The following DARS1 variants were observed in gnomAD, a reference collection of about 807,000 sequenced individuals.
DARS1 encodes the protein aspartate--tRNA ligase, cytoplasmic.
In DARS1, 51 loss-of-function variants were observed where a neutral mutation model predicts 68.8. That is an observed-to-expected ratio of 0.74 (90% confidence interval 0.59 to 0.94). DARS1 has a LOEUF of 0.94. Ranked by LOEUF, DARS1 falls within the 40% of genes least tolerant of loss-of-function variation. The pLI, the probability that DARS1 is intolerant of heterozygous loss-of-function variation, is 0.00. For synonymous variants in DARS1, 203 were observed against 190.4 expected, an observed-to-expected ratio of 1.07 and a Z score of -0.55; for missense variants, 607 against 597.3, an observed-to-expected ratio of 1.02 and a Z score of -0.17.
intron 15 of DARS1, chr2:135,910,832 T>TAGC (rs2104792166): frequency 4.1e-6 from 1 of 243,424 alleles, no homozygotes; most frequent in African/African-American, 2.3e-5. Flanking sequence ...TAAAAACACT[T>TAGC]AGCAGCTCTT....
At chr2:135,979,865 T>C (rs1254209727) in intron 2 of DARS1, among the ~76,000 whole-genome samples, 1 of 152,202 alleles carries the variant, frequency 6.6e-6, no homozygotes, top group Non-Finnish European at 1.5e-5. Context: ...TTCCCCAGGA[T>C]GCAGTGACTC....
intron 4 of DARS1, among the ~76,000 whole-genome samples, chr2:135,951,882 A>G (rs551569249): frequency 3.9e-5 from 6 of 152,276 alleles, no homozygotes; most frequent in African/African-American, 1.4e-4. Flanking sequence ...GTAAAATGCT[A>G]TATTTATTGT....
rs535335466 is a variant in DARS1, at chr2:135,946,816, G to C, written c.321-3336C>G. On this transcript the variant is annotated intron_variant, in intron 4 of 15. Coordinates refer to ENST00000264161, the MANE Select transcript of DARS1 (RefSeq NM_001349.4). Reference sequence around the variant, plus strand: ...CAGTATCAGGTTTTGACTCTGACGAGTCCTCCTGAGCATATAGAGAAGAAT... The same window carrying C: ...CAGTATCAGGTTTTGACTCTGACGACTCCTCCTGAGCATATAGAGAAGAAT... Among the ~76,000 whole-genome samples, 4 of 152,210 alleles carry C rather than the reference G, an allele frequency of 2.6e-5. No homozygotes were observed. In the East Asian group the frequency reaches 5.8e-4, roughly 22 times the overall value.
At chr2:135,912,447 T>A (rs1193824299) in intron 13 of DARS1, 39 bp downstream of exon 13, 3 of 753,452 alleles carry the variant, frequency 4.0e-6, no homozygotes, top group Non-Finnish European at 7.0e-6. Flanking sequence ...AAATTTCCCT[T>A]CTGCCTCAAA....
chr2:135,962,723 A>G (rs1682127307), intron 3 of DARS1, among the ~76,000 whole-genome samples: 1 of 152,240 alleles, frequency 6.6e-6, no homozygotes, highest in African/African-American at 2.4e-5. Context: ...CCAGTCACAA[A>G]GTAAAATCCT....
At chr2:135,937,292 T>C (rs1681491726) in intron 5 of DARS1, among the ~76,000 whole-genome samples, 1 of 152,142 alleles carries the variant, frequency 6.6e-6, no homozygotes, top group African/African-American at 2.4e-5. Context: ...TTTCGCCATG[T>C]TGATCAGGCT....
At chr2:135,907,469 A>C in intron 15 of DARS1, 62 bp from the exon 16 acceptor site, 1 of 1,069,006 alleles carries the variant, frequency 9.4e-7, no homozygotes, top group Non-Finnish European at 1.4e-6. Context: ...CTTACTTAGA[A>C]CTACAAACAT....
chr2:135,907,242 CTTTTT>C lies in DARS1; in HGVS notation c.*69_*73del, dbSNP rs992435404. The C allele has an allele frequency of 5.0e-3, 2,234 of 450,300 alleles. No individual in the cohort carries two copies. Among genetic ancestry groups the C allele is most frequent in the East Asian group, 7.5e-3 (150 of 19,946 alleles). 27.9% of individuals were successfully genotyped at this position (450,300 alleles called of 1,614,324 possible). ...TACTGAAAAGAATAAGTGTGGCTTT[CTTTTT>C]TTTTTTTTTTTTTTGAGGCAGGGTC... On this transcript the variant is annotated 3_prime_UTR_variant, in exon 16 of 16. Coordinates refer to ENST00000264161, the MANE Select transcript of DARS1 (RefSeq NM_001349.4).
At chr2:135,953,133 T>C (rs978812553) in intron 4 of DARS1, among the ~76,000 whole-genome samples, 5 of 152,272 alleles carry the variant, frequency 3.3e-5, no homozygotes, top group South Asian at 2.1e-4. Context: ...GTATGTCACA[T>C]AGCAGAACTG....
At chr2:135,980,528 T>C (rs1189390529) in intron 2 of DARS1, 3 of 152,202 alleles carry the variant, frequency 2.0e-5, no homozygotes, top group East Asian at 1.9e-4. Flanking sequence ...ACGGTTCTCA[T>C]AGCCAAAAGC....
chr2:135,934,762 T>C (rs1162259713), intron 5 of DARS1, among the ~76,000 whole-genome samples: 20 of 151,970 alleles, frequency 1.3e-4, no homozygotes, highest in Non-Finnish European at 2.9e-4. Context: ...ACTTTACTCA[T>C]GTGAAGGAGC....
chr2:135,960,877 A>C (rs1002515151), intron 4 of DARS1, among the ~76,000 whole-genome samples: 2 of 152,224 alleles, frequency 1.3e-5, no homozygotes, highest in African/African-American at 4.8e-5. Context: ...AGGAGGAAAA[A>C]GCAAGTTTTA....
rs771004104 is a variant in DARS1 at position 135,920,580 on chromosome 2, T to A, written c.832A>T (p.Asn278Tyr). Residue 278 changes from asparagine to tyrosine, a missense_variant, in exon 10 of 16, where the codon AAT (asparagine) becomes TAT (tyrosine). Transcript: ENST00000264161. ...AACTCAGTTAGATGTCTATGGGTAT[T>A]AGAGTCTTCCGCTCTGAATACTGTG... ...IGPVFRAEDSNTHRHLTEFVG... is the reference protein window; with the variant it reads ...IGPVFRAEDSYTHRHLTEFVG... The A allele has an allele frequency of 3.7e-6, 6 of 1,610,856 alleles. No individual in the cohort carries two copies. The highest frequency in any genetic ancestry group is 5.1e-6 in the Non-Finnish European group (6 of 1,179,102).
intron 4 of DARS1, among the ~76,000 whole-genome samples, chr2:135,957,003 G>A (rs958323672): frequency 3.9e-5 from 6 of 151,982 alleles, no homozygotes; most frequent in African/African-American, 1.4e-4. Context: ...GACCTCAGAT[G>A]ATACACCCAC....
chr2:135,977,083 A>G (rs900585850), intron 3 of DARS1, among the ~76,000 whole-genome samples: 13 of 152,244 alleles, frequency 8.5e-5, no homozygotes, highest in Non-Finnish European at 1.5e-4. Flanking sequence ...AACAGGAAAT[A>G]AGACCCACAA....
intron 9 of DARS1, among the ~76,000 whole-genome samples, chr2:135,921,596 T>C (rs1365067523): frequency 6.6e-6 from 1 of 152,226 alleles, no homozygotes; most frequent in African/African-American, 2.4e-5. Context: ...GTGAAAATTA[T>C]TTGATTATTC....
At chr2:135,932,328 C>T (rs189905811) in intron 7 of DARS1, among the ~76,000 whole-genome samples, 152 of 152,300 alleles carry the variant, frequency 1.0e-3, no homozygotes, top group African/African-American at 1.9e-3. Context: ...ACTGCATAAA[C>T]CACCAGAGCC....
intron 3 of DARS1, among the ~76,000 whole-genome samples, chr2:135,978,142 C>CAAAAAAAAAAAA (rs59505882): frequency 1.1e-4 from 6 of 54,732 alleles, no homozygotes; most frequent in Admixed American, 2.4e-4. Flanking sequence ...GACTCTGTCT[C>CAAAAAAAAAAAA]AAAAAAAAAA....
At chr2:135,937,198 C>T (rs1416827072) in intron 5 of DARS1, among the ~76,000 whole-genome samples, 1 of 152,108 alleles carries the variant, frequency 6.6e-6, no homozygotes, top group African/African-American at 2.4e-5. Flanking sequence ...AAGCAATTCT[C>T]TTGCCTCAGC....
Sources: gnomAD v4.1 joint callset for allele counts (sites outside exome capture counted in the v4.1 genomes callset) on GRCh38, gnomAD v4.1.1 for gene constraint, MANE v1.5 for transcripts, NCBI Gene and HGNC (gene_info 2026-07-23, HGNC 2026-07-21) for gene names.